ITGA1: variants seen among roughly 807,000 people sequenced by gnomAD.
The protein encoded by ITGA1 is integrin subunit alpha 1.
Under a neutral mutation model 145.9 loss-of-function variants are expected in ITGA1, and 85 were observed. That is an observed-to-expected ratio of 0.58 (90% CI 0.49 to 0.70). ITGA1 has a LOEUF of 0.70. Ranked by LOEUF, ITGA1 falls within the 30% of genes least tolerant of loss-of-function variation. The pLI is 0.00. For missense variants in ITGA1, 1,351 were observed against 1,418.7 expected (o/e 0.95, Z 0.77); for synonymous variants, 520 against 495.3 (o/e 1.05, Z -0.66).
rs77828836 is a variant in ITGA1, at chr5:52,840,310, A to G, written c.62-9055A>G. On this transcript the variant is annotated intron_variant, in intron 1 of 28. Transcript: ENST00000282588. ...GCCACCCTGCTTTGTTTTGAAGCGT[A>G]GTACGCCTTTCCGTATGCAGTGCTC... Among the ~76,000 whole-genome samples, 614 of 152,332 alleles carry G rather than the reference A, an allele frequency of 4.0e-3. 4 individuals are homozygous for G. Among genetic ancestry groups the G allele is most frequent in the African/African-American group, 0.014 (582 of 41,580 alleles).
chr5:52,957,588 C>CT lies in ITGA1; in HGVS notation c.*5137_*5138insT, dbSNP rs1263200871. On this transcript the variant is annotated 3_prime_UTR_variant, in exon 29 of 29. Transcript: ENST00000282588. ...TGAGACTGGGCAGTAGGAGCCAGAG[C>CT]CAATTTGCAGGATCTCTTTTCCTTC... The CT allele has an allele frequency of 6.6e-6, 1 of 152,204 alleles. No homozygotes were observed. Among genetic ancestry groups the CT allele is most frequent in the Admixed American group, 6.5e-5 (1 of 15,276 alleles). 9.4% of individuals were successfully genotyped at this position (152,204 alleles called of 1,614,324 possible).
intron 1 of ITGA1, among the ~76,000 whole-genome samples, chr5:52,829,782 T>C (rs1359661980): frequency 1.3e-5 from 2 of 152,198 alleles, no homozygotes; most frequent in Non-Finnish European, 2.9e-5. Context: ...GTTCACACTG[T>C]TACCCATGGC....
Position 52,861,477 on chromosome 5 carries a change from A to C in ITGA1, c.213A>C (p.Gln71His), listed in dbSNP as rs747565141. ...TTATTGGTTCTCCGTTAGTTGGCCA[A>C]CCCAAAAACAGAACTGGAGATGTCT... ...WVLIGSPLVG[Q>H]PKNRTGDVYK... Residue 71 changes from glutamine to histidine, a missense_variant, in exon 3 of 29, where the codon CAA becomes CAC. Transcript: ENST00000282588. 2 of 1,613,722 alleles carry C rather than the reference A, an allele frequency of 1.2e-6. No homozygotes were observed. The highest frequency in any genetic ancestry group is 1.7e-6 in the Non-Finnish European group (2 of 1,179,814).
chr5:52,797,708 G>T (rs1748372508), intron 1 of ITGA1, among the ~76,000 whole-genome samples: 1 of 152,138 alleles, frequency 6.6e-6, no homozygotes, highest in Admixed American at 6.5e-5. Flanking sequence ...AGGGTATGGA[G>T]TTATGCAGGC....
chr5:52,809,504 T>G (rs932625579), intron 1 of ITGA1, among the ~76,000 whole-genome samples: 47 of 145,398 alleles, frequency 3.2e-4, no homozygotes, highest in Admixed American at 1.6e-3. Context: ...CAACTTTACT[T>G]TTTTTTTTTT....
intron 2 of ITGA1, among the ~76,000 whole-genome samples, chr5:52,855,424 T>TAAGATTAAAAATCTTAAA (rs1749497665): frequency 6.6e-6 from 1 of 152,220 alleles, no homozygotes; most frequent in African/African-American, 2.4e-5. Flanking sequence ...TTCAGATTTT[T>TAAGATTAAAAATCTTAAA]AAGTACTTGA....
At chr5:52,808,657 TC>T (rs1269153602) in intron 1 of ITGA1, among the ~76,000 whole-genome samples, 1 of 116,026 alleles carries the variant, frequency 8.6e-6, no homozygotes, top group Non-Finnish European at 1.8e-5. Context: ...ATTCTTTTTT[TC>T]TTTTTCTTTC....
chr5:52,873,412 A>T (rs1173700074), intron 6 of ITGA1, among the ~76,000 whole-genome samples: 1 of 152,232 alleles, frequency 6.6e-6, no homozygotes, highest in Non-Finnish European at 1.5e-5. Flanking sequence ...TCTTCCATGA[A>T]GCAAGAGTCC....
chr5:52,800,073 A>C, intron 1 of ITGA1: 2 of 329,988 alleles, frequency 6.1e-6, no homozygotes, highest in East Asian at 7.1e-5. Context: ...GGGTCGCGGG[A>C]CGGGGGCTGC....
At chr5:52,883,474 A>G (rs1749997767) in intron 7 of ITGA1, among the ~76,000 whole-genome samples, 1 of 152,224 alleles carries the variant, frequency 6.6e-6, no homozygotes, top group South Asian at 2.1e-4. Flanking sequence ...TTCTGTAGTG[A>G]TAGTACCAAG....
chr5:52,845,288 C>T (rs573575016), intron 1 of ITGA1, among the ~76,000 whole-genome samples: 45 of 152,268 alleles, frequency 3.0e-4, no homozygotes, highest in African/African-American at 1.0e-3. Context: ...TCCTTTTCCC[C>T]TTTTCTCTAC....
chr5:52,863,216 T>C (rs1159160003), intron 3 of ITGA1, among the ~76,000 whole-genome samples: 1 of 152,260 alleles, frequency 6.6e-6, no homozygotes, highest in Non-Finnish European at 1.5e-5. Context: ...TTAAAATCTC[T>C]ATTCAGGTTT....
At chr5:52,851,868 A>G (rs1749436993) in intron 2 of ITGA1, among the ~76,000 whole-genome samples, 1 of 152,206 alleles carries the variant, frequency 6.6e-6, no homozygotes, top group Admixed American at 6.5e-5. Flanking sequence ...AATACATTTT[A>G]TGTGTCTGGC....
chr5:52,909,113 C>CT lies in ITGA1; in HGVS notation c.1599+72_1599+73insT, dbSNP rs1477279482. On this transcript the variant is annotated intron_variant, in intron 13 of 28. Transcript: ENST00000282588. ...CTCTTCATTTTTTAATAATAAATTCCAATTTTTCACTCACTTTGAAAAAAC... is the reference window on the plus strand; with the variant it reads ...CTCTTCATTTTTTAATAATAAATTCCTAATTTTTCACTCACTTTGAAAAAAC... 1.1e-3 allele frequency: 1,573 copies of CT among 1,474,768 alleles called. 3 individuals are homozygous for CT. The highest frequency in any genetic ancestry group is 1.3e-3 in the Non-Finnish European group (1,407 of 1,089,784). The allele number at this position is 1,474,768 out of a possible 1,614,324, so 91.4% of individuals were successfully genotyped here. A position where few individuals can be genotyped will look rare whatever the true frequency, so the allele number is the denominator to read the frequency against.
At chr5:52,845,671 G>A (rs145401306) in intron 1 of ITGA1, among the ~76,000 whole-genome samples, 53 of 152,288 alleles carry the variant, frequency 3.5e-4, no homozygotes, top group African/African-American at 1.3e-3. Context: ...GACAACTCAT[G>A]AAGTGCTATT....
rs535550329 is a variant in ITGA1, at chr5:52,913,400, C to T, written c.1858-2064C>T. On this transcript the variant is annotated intron_variant, in intron 14 of 28. Coordinates refer to ENST00000282588, the MANE Select transcript of ITGA1 (RefSeq NM_181501.2). ...GATTTCTAAAGGTTTATAATTTTCT[C>T]GCAAGTAATCCTTAGAAAAAATAAA... is the stretch of plus-strand genomic sequence containing the variant. Among the ~76,000 whole-genome samples the T allele has an allele frequency of 3.0e-4, 45 of 152,166 alleles. No individual in the cohort carries two copies. The South Asian group carries it at 8.3e-3, about 28-fold the overall frequency.
rs1419900958 is a variant in ITGA1 at position 52,911,620 on chromosome 5, CTACTATATATACTAT to C, written c.1857+1202_1857+1216del. Among the ~76,000 whole-genome samples, 42 of 75,370 alleles carry C rather than the reference CTACTATATATACTAT, an allele frequency of 5.6e-4. 1 individual carries two copies. The highest frequency in any genetic ancestry group is 0.016 in the Middle Eastern group (1 of 62). The allele number at this position is 75,370 out of a possible 152,430, so 49.4% of individuals were successfully genotyped here. Reference sequence around the variant, plus strand: ...TATATATACTATATATATAGTGTATCTACTATATATACTATATATAGTGTATCTACTATATATACT... The same window carrying C: ...TATATATACTATATATATAGTGTATCATATAGTGTATCTACTATATATACT... On this transcript the variant is annotated intron_variant, in intron 14 of 28. Transcript: ENST00000282588.
chr5:52,868,995 A>G (rs1271311813), intron 6 of ITGA1, among the ~76,000 whole-genome samples: 2 of 152,170 alleles, frequency 1.3e-5, no homozygotes, highest in African/African-American at 4.8e-5. Flanking sequence ...GTGATGCCTT[A>G]ATGGTGCTTC....
At chr5:52,826,145 T>C (rs1748958674) in intron 1 of ITGA1, among the ~76,000 whole-genome samples, 1 of 152,138 alleles carries the variant, frequency 6.6e-6, no homozygotes. Context: ...GAAAATTAAG[T>C]GCTACTCCAG....
Sources: allele counts gnomAD v4.1 joint callset (sites outside exome capture counted in the v4.1 genomes callset), GRCh38; gene constraint gnomAD v4.1.1; transcripts MANE v1.5; gene names NCBI Gene and HGNC (gene_info 2026-07-23, HGNC 2026-07-21).